Variants in PKD1L3 observed in about 807,000 individuals in gnomAD.
PKD1L3 encodes the protein polycystin-1-like protein 3.
PKD1L3 carries 239 observed loss-of-function variants against 184.1 expected under a neutral mutation model. The observed-to-expected ratio is 1.30, with a 90% CI of 1.17 to 1.45. The LOEUF (loss-of-function observed/expected upper bound fraction) is 1.45. PKD1L3 is among the 40% of genes most tolerant of loss of function. PKD1L3 has a pLI of 0.00. For synonymous variants in PKD1L3, 996 were observed against 778.8 expected (o/e 1.28, Z -4.64); for missense variants, 2,660 against 2,067.2 (o/e 1.29, Z -5.56).
At position 71,999,106 on chromosome 16, in the gene PKD1L3, C is replaced by T. The variant is rs572273368; in HGVS notation, c.295+578G>A. Among the ~76,000 whole-genome samples, 466 of 151,936 alleles carry T rather than the reference C, an allele frequency of 3.1e-3. 3 individuals carry two copies. Among genetic ancestry groups the T allele is most frequent in the African/African-American group, 0.011 (456 of 41,480 alleles). Reference sequence around the variant, plus strand: ...CTAACACAGTGAAACCCCGTCTCTACTAAAAATACAAAAAATTAGTCGGGC... The same window carrying T: ...CTAACACAGTGAAACCCCGTCTCTATTAAAAATACAAAAAATTAGTCGGGC... On this transcript the variant is annotated intron_variant, in intron 1 of 29. Coordinates refer to ENST00000620267, the MANE Select transcript of PKD1L3 (RefSeq NM_181536.2).
chr16:71,982,433 G>A (rs1405685366), intron 6 of PKD1L3, among the ~76,000 whole-genome samples, 198 bp from the exon 7 acceptor site: 1 of 151,638 alleles, frequency 6.6e-6, no homozygotes, highest in Non-Finnish European at 1.5e-5. Context: ...CTACAGGCAT[G>A]AGCCACCATG....
At position 71,951,429 on chromosome 16, in the gene PKD1L3, T is replaced by C. The variant is rs539754804; in HGVS notation, c.3190+135A>G. On this transcript the variant is annotated intron_variant, in intron 19 of 29. Coordinates refer to ENST00000620267, the MANE Select transcript of PKD1L3 (RefSeq NM_181536.2). ...GAGAACAAAGCTATCAACTCTATACTAGAAGCTTAAGGAAATTAAAACAAC... is the reference window on the plus strand; with the variant it reads ...GAGAACAAAGCTATCAACTCTATACCAGAAGCTTAAGGAAATTAAAACAAC... The C allele has an allele frequency of 4.2e-5, 36 of 859,610 alleles. No individual in the cohort carries two copies. The African/African-American group carries it at 5.3e-4, about 13-fold the overall frequency. The allele number at this position is 859,610 out of a possible 1,614,324, so 53.2% of individuals were successfully genotyped here. A position where few individuals can be genotyped will look rare whatever the true frequency, so the allele number is the denominator to read the frequency against.
chr16:71,987,263 C>T (rs2040408931), intron 4 of PKD1L3, among the ~76,000 whole-genome samples: 1 of 151,346 alleles, frequency 6.6e-6, no homozygotes, highest in African/African-American at 2.4e-5. Flanking sequence ...CTCTGTCACC[C>T]GGGCTGGAGT....
At position 71,977,304 on chromosome 16, in the gene PKD1L3, T is replaced by A; in HGVS notation, c.1691A>T (p.Gln564Leu). The stretch of plus-strand genomic sequence containing the variant: ...GAAGTGAGTGCAGTTAGGCTGATAC[T>A]GGAACCCCAGGTAGAGTGTCATTAA... The part of the protein sequence containing the change: ...PLLMTLYLGF[Q>L]YQPNCTHFHL... Residue 564 changes from glutamine (Q) to leucine (L), a missense_variant, in exon 11 of 30, where the codon CAG becomes CTG. Gln to Leu is a moderately radical substitution (Grantham distance 113). Transcript: ENST00000620267. 1 of 1,544,518 alleles carries A rather than the reference T, an allele frequency of 6.5e-7. No homozygotes were observed. The highest frequency in any genetic ancestry group is 1.2e-5 in the South Asian group (1 of 83,894).
At chr16:71,953,251 T>A (rs899387529) in intron 17 of PKD1L3, among the ~76,000 whole-genome samples, 158 bp from the exon 18 acceptor site, 1 of 152,242 alleles carries the variant, frequency 6.6e-6, no homozygotes, top group African/African-American at 2.4e-5. Flanking sequence ...TTCCTAATAC[T>A]GCTTCATTTG....
chr16:71,987,137 A>C (rs549884459), intron 4 of PKD1L3, among the ~76,000 whole-genome samples: 123 of 150,164 alleles, frequency 8.2e-4, no homozygotes, highest in African/African-American at 2.7e-3. Flanking sequence ...GTTGGCCAGG[A>C]TGGTCTCGAT....
rs1340353394 is a variant in PKD1L3, at chr16:71,944,050, T to C, written c.3839A>G (p.Lys1280Arg). Residue 1280 changes from lysine (K) to arginine (R), a missense_variant, in exon 23 of 30, where the codon AAG becomes AGG. Lys to Arg is a conservative substitution (Grantham distance 26). Coordinates refer to ENST00000620267, the MANE Select transcript of PKD1L3 (RefSeq NM_181536.2). ...CATACCCAAAATATCTCCAGTCAGC[T>C]TGAAGAGTTTCTTCTTTTTCAAGGT... ...ERTLKKKKLF[K>R]LTGDILVQIL... 6.4e-7 allele frequency: 1 copy of C among 1,551,910 alleles called. No homozygotes were observed.
chr16:71,929,711 A>G, intron 29 of PKD1L3, 33 bp from the exon 30 acceptor site: 2 of 1,500,812 alleles, frequency 1.3e-6, no homozygotes, highest in Non-Finnish European at 8.9e-7. Context: ...GAAAAGTGAG[A>G]AAATTGAAAT....
Position 71,980,028 on chromosome 16 carries a change from T to A in PKD1L3, c.1250A>T (p.Asn417Ile). The A allele has an allele frequency of 5.8e-6, 9 of 1,552,096 alleles. No homozygotes were observed. The highest frequency in any genetic ancestry group is 7.8e-6 in the Non-Finnish European group (9 of 1,147,084). Reference sequence around the variant, plus strand: ...TAACCTGCTCAGCAGCAGAGTAGCATTGGCAGAGGTCAAAGTCACTGAAGA... The same window carrying A: ...TAACCTGCTCAGCAGCAGAGTAGCAATGGCAGAGGTCAAAGTCACTGAAGA... ...PESSVTLTSA[N>I]ATLLLSRQNI... Residue 417 changes from asparagine to isoleucine, a missense_variant, in exon 8 of 30, where the codon AAT (asparagine) becomes ATT (isoleucine). Physicochemically the swap from Asn to Ile is moderately radical, Grantham distance 149. Transcript: ENST00000620267.
chr16:71,931,728 G>A (rs375827528), intron 28 of PKD1L3, among the ~76,000 whole-genome samples: 2 of 152,022 alleles, frequency 1.3e-5, no homozygotes, highest in African/African-American at 4.8e-5. Flanking sequence ...GCCTTCTAGA[G>A]TGCTGGGATT....
At chr16:71,969,726 C>G (rs556747554) in intron 13 of PKD1L3, 149 bp downstream of exon 13, 3 of 730,980 alleles carry the variant, frequency 4.1e-6, no homozygotes, top group Non-Finnish European at 6.5e-6. Flanking sequence ...TCAGCAGACA[C>G]GAAGATAAAT....
At position 71,984,167 on chromosome 16, in the gene PKD1L3, C is replaced by G; in HGVS notation, c.835G>C (p.Val279Leu). The G allele has an allele frequency of 6.4e-7, 1 of 1,550,992 alleles. No individual in the cohort carries two copies. The highest frequency in any genetic ancestry group is 1.4e-5 in the African/African-American group (1 of 73,120). ...QVSLQKASGQVIDEIAGNFSR... is the reference protein window; with the variant it reads ...QVSLQKASGQLIDEIAGNFSR... ...AAGTTCCCTGCTATCTCATCTATGA[C>G]CTATTGGGAACAAAGAAGTTGTCAA... Residue 279 changes from valine (V) to leucine (L), a missense_variant and splice_region_variant, in exon 6 of 30, where the codon GTC becomes CTC. Transcript: ENST00000620267.
chr16:71,965,858 G>T (rs975365395), intron 15 of PKD1L3, among the ~76,000 whole-genome samples: 3 of 152,060 alleles, frequency 2.0e-5, no homozygotes, highest in Non-Finnish European at 2.9e-5. Context: ...CTGGCCTTTT[G>T]TGAGAGTTTT....
At chr16:71,957,225 G>T (rs2039080952) in intron 16 of PKD1L3, among the ~76,000 whole-genome samples, 1 of 152,140 alleles carries the variant, frequency 6.6e-6, no homozygotes, top group South Asian at 2.1e-4. Context: ...TTCTATGCCA[G>T]TAGGTGTGGG....
chr16:71,957,355 A>G (rs1489061053), intron 16 of PKD1L3, among the ~76,000 whole-genome samples: 1 of 152,196 alleles, frequency 6.6e-6, no homozygotes, highest in African/African-American at 2.4e-5. Context: ...TATAAACCTT[A>G]CCTTATTAGT....
In PKD1L3 at chr16:71,977,134, G is replaced by T. The variant is rs574747229; in HGVS notation, c.1759+102C>A. 562 of 873,876 alleles carry T rather than the reference G, an allele frequency of 6.4e-4. 3 individuals are homozygous for T. The highest frequency in any genetic ancestry group is 4.2e-3 in the Middle Eastern group (13 of 3,112). 54.1% of individuals were successfully genotyped at this position (873,876 alleles called of 1,614,324 possible). ...AGGCTAAGGCAGGAGGATCCCCTGAGCCTGACAGTTTGAGGCTGCAGTCAA... is the reference window on the plus strand; with the variant it reads ...AGGCTAAGGCAGGAGGATCCCCTGATCCTGACAGTTTGAGGCTGCAGTCAA... On this transcript the variant is annotated intron_variant, in intron 11 of 29. Coordinates refer to ENST00000620267, the MANE Select transcript of PKD1L3 (RefSeq NM_181536.2).
At chr16:71,967,835 A>G in intron 14 of PKD1L3, 71 bp downstream of exon 14, 2 of 1,306,596 alleles carry the variant, frequency 1.5e-6, no homozygotes, top group East Asian at 2.5e-5. Flanking sequence ...TTGCCAGGAT[A>G]TCACCAACTC....
intron 23 of PKD1L3, among the ~76,000 whole-genome samples, chr16:71,943,354 T>G (rs900285984): frequency 1.3e-5 from 2 of 151,572 alleles, no homozygotes; most frequent in South Asian, 2.1e-4. Context: ...CTGACCAACA[T>G]AGTAAAACCC....
At chr16:71,966,413 A>G (rs1004433031) in intron 15 of PKD1L3, among the ~76,000 whole-genome samples, 1 of 151,198 alleles carries the variant, frequency 6.6e-6, no homozygotes, top group Non-Finnish European at 1.5e-5. Context: ...CTCCTTCCTT[A>G]AGATCTTGAC....
Sources: gnomAD v4.1 joint callset for allele counts (sites outside exome capture counted in the v4.1 genomes callset) on GRCh38, gnomAD v4.1.1 for gene constraint, MANE v1.5 for transcripts, NCBI Gene and HGNC (gene_info 2026-07-23, HGNC 2026-07-21) for gene names.